DVL3: variants seen among roughly 807,000 people sequenced by gnomAD.
DVL3 encodes the protein dishevelled segment polarity protein 3, also known as segment polarity protein dishevelled homolog DVL-3.
In DVL3, 27 loss-of-function variants were observed where a neutral mutation model predicts 67.4. The ratio of observed to expected loss-of-function variants is 0.40; its 90% confidence interval spans 0.30 to 0.55. The LOEUF (loss-of-function observed/expected upper bound fraction) is 0.55. Among genes scored for constraint, DVL3 ranks in the 20% least tolerant of loss-of-function variants. DVL3 has a pLI of 0.46. For synonymous variants in DVL3, 369 were observed against 396.8 expected, an observed-to-expected ratio of 0.93 and a Z score of 0.83; for missense variants, 819 against 1,021.5, an observed-to-expected ratio of 0.80 and a Z score of 2.70.
Position 184,173,567 on chromosome 3 carries a change from C to T in DVL3, c.*2812C>T, listed in dbSNP as rs1413017423. 2 of 152,150 alleles carry T rather than the reference C, an allele frequency of 1.3e-5. No individual in the cohort carries two copies. The highest frequency in any genetic ancestry group is 6.5e-5 in the Admixed American group (1 of 15,274). The allele number at this position is 152,150 out of a possible 1,614,324, so 9.4% of individuals were successfully genotyped here. On this transcript the variant is annotated 3_prime_UTR_variant, in exon 15 of 15. Coordinates refer to ENST00000313143, the MANE Select transcript of DVL3 (RefSeq NM_004423.4). ...GAAAAGTGCCTAGCACAGTGCCTGG[C>T]ACACAGTAGAGTAGGTGCTCAATAA...
intron 13 of DVL3, among the ~76,000 whole-genome samples, chr3:184,169,473 C>A (rs1229435423): frequency 6.6e-6 from 1 of 152,108 alleles, no homozygotes; most frequent in East Asian, 1.9e-4. Flanking sequence ...GGCGGGCAGA[C>A]CACCTGAGGT....
chr3:184,166,369 T>C lies in DVL3; in HGVS notation c.904-77T>C. 1 of 1,610,110 alleles carries C rather than the reference T, an allele frequency of 6.2e-7. No homozygotes were observed. Among genetic ancestry groups the C allele is most frequent in the Non-Finnish European group, 8.5e-7 (1 of 1,176,766 alleles). On this transcript the variant is annotated intron_variant, in intron 8 of 14. Transcript: ENST00000313143. This position sits in a 1 kb window ranked among gnomAD's most constrained non-coding sequence, Gnocchi z 6.7. ...GGCCCCTTCTTGGTTGGGGGAAGAC[T>C]CCCTGACCTACCAAGTTGAGTTCCC...
At chr3:184,157,495 G>C (rs1714239689) in intron 1 of DVL3, among the ~76,000 whole-genome samples, 1 of 152,150 alleles carries the variant, frequency 6.6e-6, no homozygotes, top group South Asian at 2.1e-4. Context: ...CCAATCCCAA[G>C]GCCTAACTGC....
At position 184,164,559 on chromosome 3, in the gene DVL3, G is replaced by T; in HGVS notation, c.421G>T (p.Ala141Ser). Reference protein sequence around the residue: ...NDTETDSLVSAQRERPRRRDG... With the variant: ...NDTETDSLVSSQRERPRRRDG... ...CACAGAGACGGACTCTTTGGTGTCT[G>T]CCCAGCGAGAGCGGCCACGCCGGAG... Residue 141 changes from alanine to serine, a missense_variant, in exon 4 of 15, where the codon GCC becomes TCC. Physicochemically the swap from Ala to Ser is moderately conservative, Grantham distance 99 (BLOSUM62 1). Coordinates refer to ENST00000313143, the MANE Select transcript of DVL3 (RefSeq NM_004423.4). This position sits in a 1 kb window ranked among gnomAD's most constrained non-coding sequence, Gnocchi z 5.3. 1 of 1,572,136 alleles carries T rather than the reference G, an allele frequency of 6.4e-7. No individual in the cohort carries two copies. Among genetic ancestry groups the T allele is most frequent in the Non-Finnish European group, 8.6e-7 (1 of 1,159,382 alleles).
chr3:184,169,340 C>G (rs557359391), intron 13 of DVL3, among the ~76,000 whole-genome samples: 233 of 152,320 alleles, frequency 1.5e-3, no homozygotes, highest in African/African-American at 5.3e-3. Flanking sequence ...TCTAGTATTT[C>G]AGCCTTCCAA....
Position 184,155,610 on chromosome 3 carries a change from G to C in DVL3, c.-26G>C, listed in dbSNP as rs528858716. 7.8e-7 allele frequency: 1 copy of C among 1,289,924 alleles called. No homozygotes were observed. The allele number at this position is 1,289,924 out of a possible 1,614,324, so 79.9% of individuals were successfully genotyped here. On this transcript the variant is annotated 5_prime_UTR_variant, in exon 1 of 15. Coordinates refer to ENST00000313143, the MANE Select transcript of DVL3 (RefSeq NM_004423.4). The surrounding 1 kb of genome is among the most constrained non-coding windows in gnomAD (Gnocchi z 5.4). ...CCGGCCGCCCGAGCAGGCCGCGCGC[G>C]GGCCGCCGGGCCCGAGGCCAGAGCC...
intron 1 of DVL3, chr3:184,156,354 A>G (rs1000780750): frequency 2.2e-6 from 1 of 456,544 alleles, no homozygotes; most frequent in African/African-American, 2.0e-5. Context: ...TCTGATGTTT[A>G]TCTAGCTGCC....
intron 1 of DVL3, among the ~76,000 whole-genome samples, chr3:184,157,648 C>T (rs1197549858): frequency 6.6e-6 from 1 of 152,192 alleles, no homozygotes; most frequent in Admixed American, 6.5e-5. Context: ...GTTTATATTT[C>T]TTTCTAAAAT....
chr3:184,160,216 G>T (rs1203750935), intron 1 of DVL3, among the ~76,000 whole-genome samples: 4 of 151,756 alleles, frequency 2.6e-5, no homozygotes, highest in African/African-American at 9.7e-5. Flanking sequence ...CTCCCAAAGT[G>T]CTGGGATTAC....
rs1172108042 is a variant in DVL3 at position 184,165,068 on chromosome 3, G to A, written c.600-45G>A. 9 of 1,612,584 alleles carry A rather than the reference G, an allele frequency of 5.6e-6. No homozygotes were observed. Among genetic ancestry groups the A allele is most frequent in the Middle Eastern group, 1.7e-4 (1 of 6,046 alleles). ...CCCTGCAGTGCCTCCCCTCATGGGG[G>A]CAGGGCTGGGCCAGCCTGGTGGGGA... On this transcript the variant is annotated intron_variant, in intron 5 of 14. Coordinates refer to ENST00000313143, the MANE Select transcript of DVL3 (RefSeq NM_004423.4). The surrounding 1 kb of genome is among the most constrained non-coding windows in gnomAD (Gnocchi z 4.1).
chr3:184,155,495 A>C lies in DVL3; in HGVS notation c.-141A>C. ...GGCGCTGGGACCCGGTAGCGGCCGG[A>C]GAACAAGGGAGCTGGCGCCGCCAGC... On this transcript the variant is annotated 5_prime_UTR_variant, in exon 1 of 15. Coordinates refer to ENST00000313143, the MANE Select transcript of DVL3 (RefSeq NM_004423.4). This position sits in a 1 kb window ranked among gnomAD's most constrained non-coding sequence, Gnocchi z 5.4. 2.7e-5 allele frequency: 7 copies of C among 262,432 alleles called. No individual in the cohort carries two copies. Among genetic ancestry groups the C allele is most frequent in the Non-Finnish European group, 3.5e-5 (6 of 172,198 alleles). 16.3% of individuals were successfully genotyped at this position (262,432 alleles called of 1,614,324 possible). A position where few individuals can be genotyped will look rare whatever the true frequency, so the allele number is the denominator to read the frequency against.
Position 184,165,518 on chromosome 3 carries a change from A to G in DVL3, c.763+27A>G. 1 of 1,600,392 alleles carries G rather than the reference A, an allele frequency of 6.2e-7. No individual in the cohort carries two copies. The highest frequency in any genetic ancestry group is 8.6e-7 in the Non-Finnish European group (1 of 1,167,570). On this transcript the variant is annotated intron_variant, in intron 7 of 14. Coordinates refer to ENST00000313143, the MANE Select transcript of DVL3 (RefSeq NM_004423.4). The surrounding 1 kb of genome is among the most constrained non-coding windows in gnomAD (Gnocchi z 4.1). Reference sequence around the variant, plus strand: ...TGAGTCTGAGGAAACAGCACTCTCAAGCACCTGCTATATGCCAGACACTGG... The same window carrying G: ...TGAGTCTGAGGAAACAGCACTCTCAGGCACCTGCTATATGCCAGACACTGG...
In DVL3 at chr3:184,165,052, G is replaced by C. The variant is rs560393422; in HGVS notation, c.600-61G>C. ...GTGTTGGGGACCCAGGCCCTGCAGT[G>C]CCTCCCCTCATGGGGGCAGGGCTGG... is the stretch of plus-strand genomic sequence containing the variant. On this transcript the variant is annotated intron_variant, in intron 5 of 14. Transcript: ENST00000313143. This position sits in a 1 kb window ranked among gnomAD's most constrained non-coding sequence, Gnocchi z 4.1. 6.2e-7 allele frequency: 1 copy of C among 1,609,842 alleles called. No homozygotes were observed. The highest frequency in any genetic ancestry group is 8.5e-7 in the Non-Finnish European group (1 of 1,177,728).
Position 184,163,630 on chromosome 3 carries a change from C to T in DVL3, c.162-27C>T, listed in dbSNP as rs1199220553. 2.5e-6 allele frequency: 4 copies of T among 1,609,310 alleles called. No homozygotes were observed. Among genetic ancestry groups the T allele is most frequent in the South Asian group, 1.1e-5 (1 of 90,976 alleles). On this transcript the variant is annotated intron_variant, in intron 1 of 14. Transcript: ENST00000313143. The surrounding 1 kb of genome is among the most constrained non-coding windows in gnomAD (Gnocchi z 4.5). ...TCCTCCATTTGCACCCTAGAAGGTT[C>T]TCTGTGACATCCCCCTTTCTCTGCA...
In DVL3 at chr3:184,170,218, G is replaced by C; in HGVS notation, c.1711G>C (p.Glu571Gln). 6.2e-7 allele frequency: 1 copy of C among 1,611,844 alleles called. No homozygotes were observed. The highest frequency in any genetic ancestry group is 8.5e-7 in the Non-Finnish European group (1 of 1,179,652). ...GGGSASSQHS[E>Q]GSRSSGSNRS... ...GGGCAGCGCCAGCAGTCAGCACAGC[G>C]AAGGTAAGGTAGAGGGGCCGTGGAG... is the stretch of plus-strand genomic sequence containing the variant. Residue 571 changes from glutamate to glutamine, a missense_variant, in exon 14 of 15, where the codon GAA becomes CAA. Transcript: ENST00000313143. The surrounding 1 kb of genome is among the most constrained non-coding windows in gnomAD (Gnocchi z 6.5).
intron 1 of DVL3, among the ~76,000 whole-genome samples, chr3:184,158,779 CT>C (rs34189027): frequency 6.8e-4 from 90 of 131,554 alleles, no homozygotes; most frequent in East Asian, 2.7e-3. Context: ...AATTTTTTTT[CT>C]TTTTTTTTTT....
intron 1 of DVL3, among the ~76,000 whole-genome samples, chr3:184,161,675 G>A (rs968011441): frequency 2.0e-5 from 3 of 151,988 alleles, no homozygotes; most frequent in Admixed American, 1.3e-4. Flanking sequence ...TACATGCTCC[G>A]TGACCACATT....
At position 184,167,673 on chromosome 3, in the gene DVL3, G is replaced by A. The variant is rs1292446760; in HGVS notation, c.1292G>A (p.Arg431His). The part of the protein sequence containing the change: ...SPESGLEVRD[R>H]MWLKITIPNA... ...GAATCAGGGTTGGAGGTCCGTGACC[G>A]CATGTGGCTCAAGATTACCATCCCT... The change falls in exon 12 of 15, where the codon CGC (arginine) becomes CAC (histidine). Residue 431 changes from arginine (R) to histidine (H), a missense_variant. Around this residue, in one of 3 missense-constraint regions of DVL3, gnomAD observed 110 missense variants for 203.4 expected, o/e 0.54. Transcript: ENST00000313143. The surrounding 1 kb of genome is among the most constrained non-coding windows in gnomAD (Gnocchi z 4.6). The A allele has an allele frequency of 6.2e-7, 1 of 1,613,694 alleles. No homozygotes were observed. Among genetic ancestry groups the A allele is most frequent in the South Asian group, 1.1e-5 (1 of 91,018 alleles).
Position 184,164,660 on chromosome 3 carries a change from C to A in DVL3, c.463+59C>A. ...CTCACACCCTCCCCTCACTTTCCAC[C>A]CAGCTACCCACCTTCTTGCCCTACT... On this transcript the variant is annotated intron_variant, in intron 4 of 14. Transcript: ENST00000313143. This position sits in a 1 kb window ranked among gnomAD's most constrained non-coding sequence, Gnocchi z 5.3. 6.4e-7 allele frequency: 1 copy of A among 1,551,414 alleles called. No individual in the cohort carries two copies. Among genetic ancestry groups the A allele is most frequent in the South Asian group, 1.2e-5 (1 of 81,150 alleles).
Sources: allele counts gnomAD v4.1 joint callset (sites outside exome capture counted in the v4.1 genomes callset), GRCh38; gene constraint gnomAD v4.1.1; regional missense constraint gnomAD v4.1.1; non-coding constraint Gnocchi (gnomAD v3.1); transcripts MANE v1.5; gene names NCBI Gene and HGNC (gene_info 2026-07-23, HGNC 2026-07-21).